The following CFAP299 variants were observed in gnomAD, a reference collection of about 807,000 sequenced individuals.
CFAP299 encodes the protein cilia- and flagella-associated protein 299.
CFAP299 carries 21 observed loss-of-function variants against 27.0 expected under a neutral mutation model. The ratio of observed to expected loss-of-function variants is 0.78; its 90% CI spans 0.55 to 1.12. CFAP299 has a LOEUF of 1.12. Ranked by LOEUF, CFAP299 falls within the 50% of genes most tolerant of loss-of-function variation. The pLI, the probability that CFAP299 is intolerant of heterozygous loss-of-function variation, is 0.00. For missense variants in CFAP299, 310 were observed against 276.6 expected, an observed-to-expected ratio of 1.12 and a Z score of -0.86; for synonymous variants, 104 against 98.1, an observed-to-expected ratio of 1.06 and a Z score of -0.36.
intron 4 of CFAP299, among the ~76,000 whole-genome samples, chr4:80,937,298 C>CTTTTTTTTTTTTTTTTTT (rs1203322592): frequency 1.6e-4 from 15 of 94,354 alleles, no homozygotes; most frequent in South Asian, 1.1e-3. Context: ...TTTCTTTTTT[C>CTTTTTTTTTTTTTTTTTT]TTTTTTTTTC....
At chr4:80,775,256 T>A (rs941832551) in intron 3 of CFAP299, among the ~76,000 whole-genome samples, 2 of 151,858 alleles carry the variant, frequency 1.3e-5, no homozygotes, top group African/African-American at 4.8e-5. Flanking sequence ...ATTTGTAAGG[T>A]ATGAAAGAAA....
In CFAP299 at chr4:80,775,864, G is replaced by C. The variant is rs555536600; in HGVS notation, c.334-94129G>C. Among the ~76,000 whole-genome samples, 7 of 152,264 alleles carry C rather than the reference G, an allele frequency of 4.6e-5. No individual in the cohort carries two copies. In the South Asian group the frequency reaches 1.2e-3, roughly 27 times the overall value. ...ATTTTTAACACATGGAAATATTCCA[G>C]TAAGTGATTTGAATTGCAATTTGGG... On this transcript the variant is annotated intron_variant, in intron 3 of 5. Transcript: ENST00000358105.
intron 2 of CFAP299, chr4:80,387,664 T>C (rs961309378): frequency 6.4e-7 from 1 of 1,559,222 alleles, no homozygotes; most frequent in African/African-American, 1.4e-5. Context: ...CATGTGTTTC[T>C]TAACATTAGA....
At chr4:80,829,287 A>C (rs1730166009) in intron 3 of CFAP299, among the ~76,000 whole-genome samples, 2 of 152,090 alleles carry the variant, frequency 1.3e-5, no homozygotes, top group South Asian at 4.1e-4. Context: ...AAATTTCTCC[A>C]AAGAAGATAC....
At chr4:80,680,936 G>A (rs929275386) in intron 3 of CFAP299, among the ~76,000 whole-genome samples, 3 of 152,118 alleles carry the variant, frequency 2.0e-5, no homozygotes, top group African/African-American at 7.2e-5. Flanking sequence ...AGAGCTCAGT[G>A]TCAAGGATCA....
chr4:80,885,102 C>T, intron 4 of CFAP299, among the ~76,000 whole-genome samples: 1 of 152,128 alleles, frequency 6.6e-6, no homozygotes, highest in East Asian at 1.9e-4. Flanking sequence ...GCTGCCCTAT[C>T]ACACGCAGCA....
At chr4:80,894,100 C>T (rs1379598190) in intron 4 of CFAP299, among the ~76,000 whole-genome samples, 2 of 151,788 alleles carry the variant, frequency 1.3e-5, no homozygotes, top group African/African-American at 4.8e-5. Context: ...ATATGGCCTA[C>T]AGATATATGA....
intron 3 of CFAP299, among the ~76,000 whole-genome samples, chr4:80,707,744 G>C (rs554638690): frequency 1.3e-5 from 2 of 151,878 alleles, no homozygotes; most frequent in East Asian, 1.9e-4. Flanking sequence ...CAATTCTAGC[G>C]TACCAAATGT....
At chr4:80,512,761 A>T (rs1732381378) in intron 2 of CFAP299, among the ~76,000 whole-genome samples, 1 of 152,242 alleles carries the variant, frequency 6.6e-6, no homozygotes, top group East Asian at 1.9e-4. Context: ...AATATTGAGG[A>T]AAACAATGCT....
intron 3 of CFAP299, among the ~76,000 whole-genome samples, chr4:80,737,456 T>A (rs1235494376): frequency 1.3e-5 from 2 of 152,212 alleles, no homozygotes; most frequent in Non-Finnish European, 2.9e-5. Context: ...TATGTTTTGA[T>A]CTCGTTACTT....
At chr4:80,948,363 C>T (rs555605128) in intron 5 of CFAP299, among the ~76,000 whole-genome samples, 276 of 152,188 alleles carry the variant, frequency 1.8e-3, no homozygotes, top group African/African-American at 6.2e-3. Flanking sequence ...GCTTTAACTT[C>T]CCTGCAGCTG....
chr4:80,671,018 CT>C (rs1741447731), intron 3 of CFAP299, among the ~76,000 whole-genome samples: 1 of 152,140 alleles, frequency 6.6e-6, no homozygotes, highest in Non-Finnish European at 1.5e-5. Context: ...TCTATTTTGG[CT>C]TTTGTTGCCA....
At chr4:80,683,410 T>C (rs553415639) in intron 3 of CFAP299, among the ~76,000 whole-genome samples, 1 of 152,356 alleles carries the variant, frequency 6.6e-6, no homozygotes, top group East Asian at 1.9e-4. Context: ...TTTAATCTAA[T>C]ATTTTCTTAT....
intron 3 of CFAP299, chr4:80,608,185 C>T: frequency 1.9e-6 from 1 of 526,924 alleles, no homozygotes; most frequent in Non-Finnish European, 3.4e-6. Flanking sequence ...TTTTACCATT[C>T]ACAAGTGTTG....
chr4:80,753,630 T>A (rs1413410422), intron 3 of CFAP299, among the ~76,000 whole-genome samples: 1 of 152,180 alleles, frequency 6.6e-6, no homozygotes, highest in East Asian at 1.9e-4. Context: ...TACACATACG[T>A]TGGACTCTTT....
At chr4:80,483,592 A>G (rs950538625) in intron 2 of CFAP299, among the ~76,000 whole-genome samples, 1 of 151,838 alleles carries the variant, frequency 6.6e-6, no homozygotes, top group African/African-American at 2.4e-5. Context: ...TATGAGGTCT[A>G]TTTTTTTTAA....
At chr4:80,669,574 C>CTT (rs77565445) in intron 3 of CFAP299, among the ~76,000 whole-genome samples, 8 of 133,546 alleles carry the variant, frequency 6.0e-5, no homozygotes, top group African/African-American at 1.4e-4. Context: ...AACAGTTTTT[C>CTT]TTTTTTTTTT....
chr4:80,550,022 G>A (rs1338296300), intron 2 of CFAP299, among the ~76,000 whole-genome samples: 1 of 151,652 alleles, frequency 6.6e-6, no homozygotes, highest in African/African-American at 2.4e-5. Flanking sequence ...TTTATATTAG[G>A]TTATGTTATA....
chr4:80,396,964 C>A (rs1474675143), intron 2 of CFAP299, among the ~76,000 whole-genome samples: 2 of 152,138 alleles, frequency 1.3e-5, no homozygotes, highest in East Asian at 3.9e-4. Flanking sequence ...GATACCAGCT[C>A]CTCCTTGTAC....
Sources: allele counts gnomAD v4.1 joint callset (sites outside exome capture counted in the v4.1 genomes callset), GRCh38; gene constraint gnomAD v4.1.1; transcripts MANE v1.5; gene names NCBI Gene and HGNC (gene_info 2026-07-23, HGNC 2026-07-21).